The following USP26 variants were observed in gnomAD, a reference collection of about 807,000 sequenced individuals.
USP26 encodes ubiquitin specific peptidase 26.
For synonymous variants in USP26, 236 were observed against 240.6 expected (o/e 0.98, Z 0.18); for missense variants, 649 against 642.3 (o/e 1.01, Z -0.11).
At chrX:133,046,637 G>T (rs2067441530) in intron 5 of USP26, among the ~76,000 whole-genome samples, 1 of 109,801 alleles carries the variant, frequency 9.1e-6, no homozygotes, top group South Asian at 3.9e-4. Flanking sequence ...TGAGACGAGA[G>T]AGAGAGAGAG....
intron 4 of USP26, among the ~76,000 whole-genome samples, chrX:133,086,807 G>A (rs6654659): frequency 1.1e-3 from 117 of 107,416 alleles, no homozygotes; most frequent in African/African-American, 3.9e-3. Context: ...CTAGCTACTC[G>A]GGAGGCTGAG....
chrX:133,045,604 G>A (rs1172456696), intron 5 of USP26, among the ~76,000 whole-genome samples: 7 of 111,440 alleles, frequency 6.3e-5, no homozygotes, highest in East Asian at 2.8e-4. Flanking sequence ...CGAACCCACC[G>A]GGAGGAACGA....
chrX:133,034,630 A>G (rs1484403597), intron 5 of USP26, among the ~76,000 whole-genome samples: 1 of 112,177 alleles, frequency 8.9e-6, no homozygotes, highest in South Asian at 3.7e-4. Context: ...ATACTGGCAA[A>G]GATGCAAAAC....
At chrX:133,072,677 GA>G (rs1331630526) in intron 5 of USP26, among the ~76,000 whole-genome samples, 2 of 112,153 alleles carry the variant, frequency 1.8e-5, no homozygotes, top group African/African-American at 3.2e-5. Context: ...TAAGCTCTAA[GA>G]AAAAAAATCC....
chrX:133,060,310 G>T (rs1169978274), intron 5 of USP26, among the ~76,000 whole-genome samples: 1 of 111,668 alleles, frequency 9.0e-6, no homozygotes, highest in African/African-American at 3.3e-5. Flanking sequence ...TCTGACACTA[G>T]ATCTTGCCTT....
rs773364766 is a variant in USP26, at chrX:133,027,180, A to T, written c.1041T>A (p.Phe347Leu). The change falls in exon 6 of 6, where the codon TTT (phenylalanine) becomes TTA (leucine). Residue 347 changes from phenylalanine to leucine, a missense_variant. Physicochemically the swap from Phe to Leu is conservative, Grantham distance 22. Coordinates refer to ENST00000511190, the MANE Select transcript of USP26 (RefSeq NM_031907.3). ...ALTMCLARLLFFKDTYNIEIK... is the reference protein window; with the variant it reads ...ALTMCLARLLLFKDTYNIEIK... ...TTTCTATATTATAGGTATCTTTAAA[A>T]AAAAGTAGCCGTGCCAAGCACATGG... The T allele has an allele frequency of 8.3e-7, 1 of 1,208,611 alleles. No individual in the cohort carries two copies. Among genetic ancestry groups the T allele is most frequent in the Admixed American group, 2.2e-5 (1 of 45,549 alleles).
At chrX:133,068,389 C>A (rs1262974938) in intron 5 of USP26, among the ~76,000 whole-genome samples, 5 of 112,001 alleles carry the variant, frequency 4.5e-5, no homozygotes, top group Non-Finnish European at 9.4e-5. Context: ...TGCACATATA[C>A]CTCCTGAACC....
At chrX:133,040,172 G>A (rs1203188036) in intron 5 of USP26, among the ~76,000 whole-genome samples, 1 of 111,680 alleles carries the variant, frequency 9.0e-6, no homozygotes, top group Non-Finnish European at 1.9e-5. Flanking sequence ...CTTTTAATTG[G>A]AGCATTTAGC....
intron 5 of USP26, among the ~76,000 whole-genome samples, chrX:133,067,010 A>T (rs1355359840): frequency 8.9e-6 from 1 of 112,317 alleles, no homozygotes; most frequent in African/African-American, 3.2e-5. Flanking sequence ...TCTACAAGGA[A>T]CTTAAACACA....
intron 5 of USP26, among the ~76,000 whole-genome samples, chrX:133,083,422 T>C (rs2067576675): frequency 1.0e-5 from 1 of 95,725 alleles, no homozygotes; most frequent in African/African-American, 3.9e-5. Context: ...TGACCAGGCG[T>C]GTAGGGTGAC....
At chrX:133,072,905 G>C (rs2067535123) in intron 5 of USP26, among the ~76,000 whole-genome samples, 1 of 111,814 alleles carries the variant, frequency 8.9e-6, no homozygotes, top group African/African-American at 3.2e-5. Context: ...CAGCCAACTT[G>C]GTTCATAACT....
intron 5 of USP26, among the ~76,000 whole-genome samples, chrX:133,075,294 C>CT (rs1373728153): frequency 4.5e-5 from 5 of 112,287 alleles, no homozygotes; most frequent in Non-Finnish European, 9.4e-5. Context: ...TTTTGCCTCT[C>CT]TAACTAGACT....
Position 133,023,503 on chromosome X carries a change from CA to C in USP26, c.*1975del, listed in dbSNP as rs2067333003. Among the ~76,000 whole-genome samples the C allele has an allele frequency of 1.8e-5, 2 of 111,626 alleles. No homozygotes were observed. Among genetic ancestry groups the C allele is most frequent in the African/African-American group, 6.5e-5 (2 of 30,781 alleles). On this transcript the variant is annotated 3_prime_UTR_variant, in exon 6 of 6. Transcript: ENST00000511190. ...GCTCAACATAAACTACTCTAGAGGCCAAAAAACTGAAATTTAGAAACCAAAC... is the reference window on the plus strand; with the variant it reads ...GCTCAACATAAACTACTCTAGAGGCCAAAAACTGAAATTTAGAAACCAAAC...
At chrX:133,048,837 C>T (rs1056086190) in intron 5 of USP26, among the ~76,000 whole-genome samples, 11 of 112,039 alleles carry the variant, frequency 9.8e-5, no homozygotes, top group Admixed American at 3.8e-4. Context: ...TGAGCCACTG[C>T]GCCTGGCCCA....
Position 133,032,545 on chromosome X carries a change from G to A in USP26, c.-76-4249C>T, listed in dbSNP as rs775131223. ...ACCTTGCTGAGTAGCACCAAGGGCT[G>A]ACTTAGGCTAATAGTCATATATTTA... On this transcript the variant is annotated intron_variant, in intron 5 of 5. Transcript: ENST00000511190. Among the ~76,000 whole-genome samples the A allele has an allele frequency of 7.1e-4, 80 of 112,136 alleles. 1 individual carries two copies. Among genetic ancestry groups the A allele is most frequent in the African/African-American group, 2.6e-3 (79 of 30,878 alleles).
intron 5 of USP26, among the ~76,000 whole-genome samples, chrX:133,054,397 C>A (rs1301589018): frequency 1.8e-5 from 2 of 111,614 alleles, no homozygotes; most frequent in Non-Finnish European, 3.8e-5. Context: ...CATACCTAAA[C>A]TGAAATGGAT....
chrX:133,041,251 T>C (rs1277436424), intron 5 of USP26, among the ~76,000 whole-genome samples: 1 of 111,133 alleles, frequency 9.0e-6, no homozygotes, highest in Non-Finnish European at 1.9e-5. Context: ...GGAGTTGCAA[T>C]CATTTGGAGG....
rs768578270 is a variant in USP26 at position 133,074,254 on chromosome X, CATCTT to C, written c.-77+9448_-77+9452del. Among the ~76,000 whole-genome samples the C allele has an allele frequency of 8.9e-5, 10 of 112,352 alleles. No homozygotes were observed. In the East Asian group the frequency reaches 1.7e-3, roughly 19 times the overall value. On this transcript the variant is annotated intron_variant, in intron 5 of 5. Transcript: ENST00000511190. ...GGAAGCCCTTGAACGTGGCCTAGCT[CATCTT>C]ATCAGGAATTCAATATGAAAGAGAA...
intron 5 of USP26, among the ~76,000 whole-genome samples, chrX:133,074,689 TC>T (rs1469846374): frequency 5.3e-5 from 6 of 112,550 alleles, no homozygotes; most frequent in African/African-American, 1.9e-4. Flanking sequence ...TCTCATCAGT[TC>T]CTCTGGAGAG....
Sources: allele counts gnomAD v4.1 joint callset (sites outside exome capture counted in the v4.1 genomes callset), GRCh38; gene constraint gnomAD v4.1.1; transcripts MANE v1.5; gene names NCBI Gene and HGNC (gene_info 2026-07-23, HGNC 2026-07-21).